Variants in GTF2B observed in about 807,000 individuals in gnomAD.
The protein encoded by GTF2B is transcription initiation factor IIB.
Under a neutral mutation model 34.6 loss-of-function variants are expected in GTF2B, and 20 were observed. The observed-to-expected ratio is 0.58, with a 90% CI of 0.41 to 0.84. The LOEUF is 0.84. GTF2B is among the 40% of genes least tolerant of loss of function. The pLI is 0.00. For missense variants in GTF2B, 237 were observed against 393.3 expected (o/e 0.60, Z 3.36); for synonymous variants, 142 against 132.4 (o/e 1.07, Z -0.50).
chr1:88,864,514 T>C (rs894260879), intron 2 of GTF2B, among the ~76,000 whole-genome samples: 2 of 152,228 alleles, frequency 1.3e-5, no homozygotes, highest in Non-Finnish European at 2.9e-5. Context: ...AATTTCATAT[T>C]AAAATGTCAC....
At chr1:88,856,289 A>AAAAAAAAAAAAAAAAG (rs1673310023) in intron 6 of GTF2B, among the ~76,000 whole-genome samples, 5 of 92,992 alleles carry the variant, frequency 5.4e-5, no homozygotes, top group Admixed American at 1.0e-4. Flanking sequence ...AAAAAAAAAA[A>AAAAAAAAAAAAAAAAG]ACAAAAAAAA....
At chr1:88,865,583 T>C (rs1381255854) in intron 2 of GTF2B, among the ~76,000 whole-genome samples, 1 of 152,154 alleles carries the variant, frequency 6.6e-6, no homozygotes, top group Non-Finnish European at 1.5e-5. Context: ...TAGTTGGTCA[T>C]GGTGGCACAT....
intron 2 of GTF2B, among the ~76,000 whole-genome samples, chr1:88,866,009 AAATT>A: frequency 1.3e-5 from 2 of 152,184 alleles, no homozygotes; most frequent in Middle Eastern, 6.8e-3. Flanking sequence ...TTTTATATAA[AAATT>A]AATTTAAATG....
chr1:88,867,651 A>G (rs1384316532), intron 2 of GTF2B, among the ~76,000 whole-genome samples: 1 of 152,210 alleles, frequency 6.6e-6, no homozygotes, highest in Non-Finnish European at 1.5e-5. Flanking sequence ...AGGTATGCCC[A>G]CATCTTTTAA....
chr1:88,886,099 T>TG (rs1674061945), intron 2 of GTF2B, among the ~76,000 whole-genome samples: 1 of 152,210 alleles, frequency 6.6e-6, no homozygotes, highest in African/African-American at 2.4e-5. Flanking sequence ...GTGCCTAGTA[T>TG]ATAGTAAACA....
chr1:88,876,265 T>A (rs1673814426), intron 2 of GTF2B, among the ~76,000 whole-genome samples: 1 of 152,140 alleles, frequency 6.6e-6, no homozygotes, highest in African/African-American at 2.4e-5. Flanking sequence ...ATACTATAAT[T>A]GGAGCATTAA....
chr1:88,884,469 A>G (rs1674020022), intron 2 of GTF2B, among the ~76,000 whole-genome samples: 1 of 152,198 alleles, frequency 6.6e-6, no homozygotes, highest in South Asian at 2.1e-4. Flanking sequence ...CAACTCTTCA[A>G]GCAACTGTTC....
chr1:88,860,759 TAA>T (rs1482438129), intron 3 of GTF2B, among the ~76,000 whole-genome samples: 2 of 152,156 alleles, frequency 1.3e-5, no homozygotes, highest in African/African-American at 4.8e-5. Flanking sequence ...TCGTCTTTGA[TAA>T]AAACTCATAG....
intron 2 of GTF2B, among the ~76,000 whole-genome samples, chr1:88,877,918 G>A (rs566706653): frequency 3.3e-5 from 5 of 152,150 alleles, no homozygotes; most frequent in African/African-American, 4.8e-5. Flanking sequence ...GCGACAGAGC[G>A]AGACTCGGTC....
At chr1:88,881,996 A>G (rs1360213709) in intron 2 of GTF2B, among the ~76,000 whole-genome samples, 1 of 152,112 alleles carries the variant, frequency 6.6e-6, no homozygotes, top group Non-Finnish European at 1.5e-5. Context: ...GGCTGAAAAT[A>G]TAATGGGATA....
At position 88,857,335 on chromosome 1, in the gene GTF2B, T is replaced by A; in HGVS notation, c.688A>T (p.Met230Leu). ...TTACGGGCTATATGTGTAGCTGCCA[T>A]CTGTACTTGTTTAGGAAGACAAAGG... ...SNLCLPKQVQ[M>L]AATHIARKAV... The change falls in exon 6 of 7, where the codon ATG (methionine) becomes TTG (leucine). Residue 230 changes from methionine (M) to leucine (L), a missense_variant. Around this residue, in one of 3 missense-constraint regions of GTF2B, gnomAD observed 78 missense variants for 116.6 expected, o/e 0.67. Transcript: ENST00000370500. 1 of 1,613,850 alleles carries A rather than the reference T, an allele frequency of 6.2e-7. No homozygotes were observed. The highest frequency in any genetic ancestry group is 8.5e-7 in the Non-Finnish European group (1 of 1,179,744).
At chr1:88,885,768 A>G (rs1260591595) in intron 2 of GTF2B, among the ~76,000 whole-genome samples, 2 of 152,254 alleles carry the variant, frequency 1.3e-5, no homozygotes, top group African/African-American at 2.4e-5. Context: ...AAACGAAGAA[A>G]AACTTTATAG....
chr1:88,886,275 T>C (rs994692174), intron 2 of GTF2B, among the ~76,000 whole-genome samples: 5 of 152,214 alleles, frequency 3.3e-5, no homozygotes, highest in Admixed American at 6.5e-5. Context: ...GCTTCTGTTA[T>C]ACTGCCCACA....
intron 6 of GTF2B, among the ~76,000 whole-genome samples, chr1:88,856,533 G>A (rs1673317674): frequency 6.6e-6 from 1 of 152,062 alleles, no homozygotes; most frequent in Non-Finnish European, 1.5e-5. Flanking sequence ...GCCAAGCAGT[G>A]AGAAACAAAG....
chr1:88,853,827 A>G (rs1673243073), intron 6 of GTF2B, among the ~76,000 whole-genome samples: 1 of 152,224 alleles, frequency 6.6e-6, no homozygotes, highest in Non-Finnish European at 1.5e-5. Flanking sequence ...AATGATGTTT[A>G]AAAATCCATT....
chr1:88,885,673 C>A (rs552109496), intron 2 of GTF2B, among the ~76,000 whole-genome samples: 27 of 151,984 alleles, frequency 1.8e-4, no homozygotes, highest in Non-Finnish European at 3.5e-4. Flanking sequence ...TCACTTGAAC[C>A]CGGGAGGCGG....
intron 1 of GTF2B, among the ~76,000 whole-genome samples, chr1:88,891,242 C>T (rs920122058): frequency 3.3e-5 from 5 of 152,106 alleles, no homozygotes; most frequent in Non-Finnish European, 7.4e-5. Context: ...CACCAGGACC[C>T]ACATAGGGTG....
intron 6 of GTF2B, among the ~76,000 whole-genome samples, chr1:88,854,063 C>T (rs981021684): frequency 2.6e-5 from 4 of 152,176 alleles, no homozygotes; most frequent in African/African-American, 9.7e-5. Flanking sequence ...ACTGACTCCT[C>T]CTTTTTCTTT....
chr1:88,857,679 T>C (rs528912978), intron 5 of GTF2B, among the ~76,000 whole-genome samples, 192 bp from the exon 6 acceptor site: 2 of 150,820 alleles, frequency 1.3e-5, no homozygotes, highest in Admixed American at 6.6e-5. Context: ...TTAACTTTAA[T>C]GTTCATCACA....
Sources: allele counts gnomAD v4.1 joint callset (sites outside exome capture counted in the v4.1 genomes callset), GRCh38; gene constraint gnomAD v4.1.1; regional missense constraint gnomAD v4.1.1; transcripts MANE v1.5; gene names NCBI Gene and HGNC (gene_info 2026-07-23, HGNC 2026-07-21).